Variants in SPRED2 observed in about 807,000 individuals in gnomAD.
SPRED2 encodes sprouty related EVH1 domain containing 2, also known as sprouty-related, EVH1 domain-containing protein 2.
Under a neutral mutation model 43.0 loss-of-function variants are expected in SPRED2, and 47 were observed. The observed-to-expected ratio is 1.09, with a 90% CI of 0.87 to 1.40. The LOEUF (loss-of-function observed/expected upper bound fraction) is 1.40. Among genes scored for constraint, SPRED2 ranks in the 40% most tolerant of loss-of-function variants. The pLI is 0.00. For missense variants in SPRED2, 561 were observed against 586.4 expected, an observed-to-expected ratio of 0.96 and a Z score of 0.45; for synonymous variants, 225 against 225.7, an observed-to-expected ratio of 1.00 and a Z score of 0.03.
At chr2:65,383,344 T>C (rs1236024962) in intron 1 of SPRED2, among the ~76,000 whole-genome samples, 1 of 152,228 alleles carries the variant, frequency 6.6e-6, no homozygotes, top group Non-Finnish European at 1.5e-5. Context: ...CTGTTTCTAG[T>C]TGGAAGATGC....
intron 1 of SPRED2, among the ~76,000 whole-genome samples, chr2:65,411,732 G>A (rs1322622229): frequency 2.0e-5 from 3 of 152,184 alleles, no homozygotes; most frequent in Non-Finnish European, 4.4e-5. Flanking sequence ...AATTCAGATT[G>A]TGTAAACACA....
chr2:65,365,076 T>C (rs987038937), intron 1 of SPRED2, among the ~76,000 whole-genome samples: 4 of 152,226 alleles, frequency 2.6e-5, no homozygotes, highest in Non-Finnish European at 2.9e-5. Flanking sequence ...TGTCACCAAG[T>C]GCTATTATTA....
At chr2:65,331,504 C>T (rs1281814953) in intron 4 of SPRED2, among the ~76,000 whole-genome samples, 2 of 152,312 alleles carry the variant, frequency 1.3e-5, no homozygotes, top group East Asian at 3.9e-4. Context: ...GCCTGCAGGC[C>T]TTTCTTATCA....
intron 1 of SPRED2, among the ~76,000 whole-genome samples, chr2:65,429,192 A>G (rs774318715): frequency 1.1e-4 from 17 of 152,238 alleles, no homozygotes; most frequent in East Asian, 7.7e-4. Context: ...CAAGATTCTG[A>G]TTTACTGCAT....
chr2:65,410,745 C>T (rs13021038), intron 1 of SPRED2, among the ~76,000 whole-genome samples: 17,403 of 140,298 alleles, frequency 0.12, 1,509 homozygotes, highest in Non-Finnish European at 0.17. Flanking sequence ...GGTGACAGAG[C>T]GAGACTCTGT....
chr2:65,335,623 T>C (rs1673942138), intron 2 of SPRED2, among the ~76,000 whole-genome samples: 1 of 152,252 alleles, frequency 6.6e-6, no homozygotes, highest in East Asian at 1.9e-4. Flanking sequence ...CTCCTTCTTG[T>C]CATCTTCACA....
In SPRED2 at chr2:65,313,653, T is replaced by C. The variant is rs529301774; in HGVS notation, c.1105A>G (p.Thr369Ala). 4 of 1,614,184 alleles carry C rather than the reference T, an allele frequency of 2.5e-6. No homozygotes were observed. Among genetic ancestry groups the C allele is most frequent in the East Asian group, 4.5e-5 (2 of 44,876 alleles). ...GDYTDPCSCDTSDEKFCLRWM... is the reference protein window; with the variant it reads ...GDYTDPCSCDASDEKFCLRWM... ...CGGAGGCAAAACTTCTCGTCGCTAGTATCGCACGAGCAAGGGTCTGTATAG... is the reference window on the plus strand; with the variant it reads ...CGGAGGCAAAACTTCTCGTCGCTAGCATCGCACGAGCAAGGGTCTGTATAG... Residue 369 changes from threonine to alanine, a missense_variant, in exon 6 of 6, where the codon ACT becomes GCT. Around this residue, in one of 6 missense-constraint regions of SPRED2, gnomAD observed 65 missense variants for 60.2 expected, o/e 1.08. Coordinates refer to ENST00000356388, the MANE Select transcript of SPRED2 (RefSeq NM_181784.3).
chr2:65,309,268 G>A (rs1673007104), downstream of SPRED2, among the ~76,000 whole-genome samples: 1 of 152,076 alleles, frequency 6.6e-6, no homozygotes, highest in Non-Finnish European at 1.5e-5. Flanking sequence ...TTGGGAGGCT[G>A]AGGTGGGAGG....
Position 65,432,385 on chromosome 2 carries a change from G to A in SPRED2, c.-398C>T, listed in dbSNP as rs1668906878. On this transcript the variant is annotated 5_prime_UTR_variant, in exon 1 of 6. Transcript: ENST00000356388. ...GGCCGCGGGTGGGGGGGCTCAGTCC[G>A]GGGTCGCCCCCGGGGGGCCGGGCCA... 1 of 182,410 alleles carries A rather than the reference G, an allele frequency of 5.5e-6. No individual in the cohort carries two copies. Among genetic ancestry groups the A allele is most frequent in the Non-Finnish European group, 1.1e-5 (1 of 87,302 alleles). The allele number at this position is 182,410 out of a possible 1,614,324, so 11.3% of individuals were successfully genotyped here.
intron 4 of SPRED2, among the ~76,000 whole-genome samples, chr2:65,327,848 G>A (rs371832654): frequency 1.9e-4 from 29 of 149,764 alleles, no homozygotes; most frequent in East Asian, 1.2e-3. Context: ...CTCAGCCTCC[G>A]GAGTAGCTGG....
At chr2:65,383,205 C>A (rs1017451818) in intron 1 of SPRED2, among the ~76,000 whole-genome samples, 1 of 152,236 alleles carries the variant, frequency 6.6e-6, no homozygotes, top group South Asian at 2.1e-4. Flanking sequence ...AAAGCGCCCA[C>A]GCCTGCTTAA....
At chr2:65,322,296 T>TA (rs1558649902) in intron 4 of SPRED2, among the ~76,000 whole-genome samples, 17 of 106,442 alleles carry the variant, frequency 1.6e-4, no homozygotes, top group Non-Finnish European at 2.2e-4. Context: ...ATATATATAT[T>TA]TTTTTTTTTT....
At chr2:65,390,739 T>C (rs549862592) in intron 1 of SPRED2, among the ~76,000 whole-genome samples, 2 of 152,258 alleles carry the variant, frequency 1.3e-5, no homozygotes, top group South Asian at 4.1e-4. Context: ...TTTGCACATT[T>C]ACTCTTTCCC....
chr2:65,397,973 A>T (rs984595444), intron 1 of SPRED2, among the ~76,000 whole-genome samples: 3 of 152,234 alleles, frequency 2.0e-5, no homozygotes, highest in Admixed American at 1.3e-4. Context: ...GCAACCTATT[A>T]CCTGATTCCA....
chr2:65,395,427 C>T (rs1242843955), intron 1 of SPRED2, among the ~76,000 whole-genome samples: 2 of 152,100 alleles, frequency 1.3e-5, no homozygotes, highest in African/African-American at 4.8e-5. Context: ...AGTTAGAAGC[C>T]TCTGCCCCAA....
intron 4 of SPRED2, among the ~76,000 whole-genome samples, chr2:65,323,339 T>C (rs546818172): frequency 6.6e-6 from 1 of 152,156 alleles, no homozygotes; most frequent in East Asian, 1.9e-4. Context: ...ACCACATACT[T>C]TGAGTAGCAA....
intron 2 of SPRED2, among the ~76,000 whole-genome samples, chr2:65,339,100 G>GGGGGTGGTCAGCGCCCCCTCC (rs1674094360): frequency 2.2e-4 from 12 of 55,086 alleles, no homozygotes; most frequent in South Asian, 6.8e-4. Context: ...GGGAGGTTGG[G>GGGGGTGGTCAGCGCCCCCTCC]CGGGGGGTCA....
At chr2:65,410,028 C>T (rs1164543211) in intron 1 of SPRED2, among the ~76,000 whole-genome samples, 2 of 130,234 alleles carry the variant, frequency 1.5e-5, no homozygotes, top group Admixed American at 8.4e-5. Context: ...GACTCTGCCT[C>T]GGAAAAAAAA....
intron 1 of SPRED2, among the ~76,000 whole-genome samples, chr2:65,383,922 G>C (rs946666989): frequency 1.3e-5 from 2 of 152,184 alleles, no homozygotes; most frequent in Non-Finnish European, 2.9e-5. Flanking sequence ...CAAAAACCTT[G>C]ATCTGCAGGT....
Sources: allele counts gnomAD v4.1 joint callset (sites outside exome capture counted in the v4.1 genomes callset), GRCh38; gene constraint gnomAD v4.1.1; regional missense constraint gnomAD v4.1.1; transcripts MANE v1.5; gene names NCBI Gene and HGNC (gene_info 2026-07-23, HGNC 2026-07-21).